The following GABRB3 variants were observed in gnomAD, a reference collection of about 807,000 sequenced individuals.
GABRB3 encodes the protein gamma-aminobutyric acid type A receptor subunit beta3.
In GABRB3, 14 loss-of-function variants were observed where a neutral mutation model predicts 52.1. The ratio of observed to expected loss-of-function variants is 0.27; its 90% CI spans 0.18 to 0.42. GABRB3 has a LOEUF of 0.42. GABRB3 is among the 10% of genes least tolerant of loss of function. GABRB3 has a pLI of 1.00. For synonymous variants in GABRB3, 260 were observed against 232.3 expected, an observed-to-expected ratio of 1.12 and a Z score of -1.08; for missense variants, 307 against 609.1, an observed-to-expected ratio of 0.50 and a Z score of 5.22.
At chr15:26,580,818 A>C in intron 5 of GABRB3, 1 of 370,966 alleles carries the variant, frequency 2.7e-6, no homozygotes, top group Non-Finnish European at 5.2e-6. Context: ...TGAGAATTGA[A>C]GTATGAAGAA....
chr15:26,607,369 T>C (rs767660310), intron 4 of GABRB3, among the ~76,000 whole-genome samples: 7 of 152,084 alleles, frequency 4.6e-5, no homozygotes, highest in Non-Finnish European at 1.0e-4. Flanking sequence ...CCAGAAATTC[T>C]AGAGTAACCT....
chr15:26,664,427 A>G (rs1432417385), intron 3 of GABRB3, among the ~76,000 whole-genome samples: 1 of 152,208 alleles, frequency 6.6e-6, no homozygotes, highest in Non-Finnish European at 1.5e-5. Context: ...CATGGGAGGA[A>G]GAGGGATACG....
chr15:26,704,653 G>A (rs1889041393), intron 3 of GABRB3, among the ~76,000 whole-genome samples: 1 of 152,124 alleles, frequency 6.6e-6, no homozygotes, highest in African/African-American at 2.4e-5. Flanking sequence ...TGAACACCTT[G>A]CTGCTTTGAG....
In GABRB3 at chr15:26,583,244, T is replaced by C. The variant is rs138477884; in HGVS notation, c.544+88A>G. On this transcript the variant is annotated intron_variant, in intron 5 of 8. Coordinates refer to ENST00000311550, the MANE Select transcript of GABRB3 (RefSeq NM_000814.6). ...CCCTCTTTCTATGTCAAAAAAATTA[T>C]GGATGCCTTGAAAAAAGATGCTAAA... 6.4e-4 allele frequency: 683 copies of C among 1,060,482 alleles called. 3 individuals carry two copies. The African/African-American group carries it at 9.8e-3, about 15-fold the overall frequency. The allele number at this position is 1,060,482 out of a possible 1,614,324, so 65.7% of individuals were successfully genotyped here.
At chr15:26,568,717 A>T (rs569201782) in intron 6 of GABRB3, among the ~76,000 whole-genome samples, 63 of 142,268 alleles carry the variant, frequency 4.4e-4, no homozygotes, top group Non-Finnish European at 7.6e-4. Context: ...GGGTTTCACC[A>T]TATTGGCCAG....
At chr15:26,629,545 A>G (rs1045076427) in intron 3 of GABRB3, among the ~76,000 whole-genome samples, 2 of 152,140 alleles carry the variant, frequency 1.3e-5, no homozygotes, top group African/African-American at 4.8e-5. Context: ...AGAGCTTGCA[A>G]AAATAGCAGC....
At chr15:26,602,144 A>C in intron 4 of GABRB3, among the ~76,000 whole-genome samples, 1 of 152,174 alleles carries the variant, frequency 6.6e-6, no homozygotes, top group East Asian at 1.9e-4. Flanking sequence ...CCTAGACAAA[A>C]CATATAAGAA....
At chr15:26,647,662 G>GA (rs1281702524) in intron 3 of GABRB3, among the ~76,000 whole-genome samples, 1 of 151,980 alleles carries the variant, frequency 6.6e-6, no homozygotes, top group Non-Finnish European at 1.5e-5. Flanking sequence ...TTTTCAATTT[G>GA]AAAAAAGACC....
At chr15:26,566,949 AT>A (rs1890201080) in intron 7 of GABRB3, among the ~76,000 whole-genome samples, 1 of 152,188 alleles carries the variant, frequency 6.6e-6, no homozygotes, top group Non-Finnish European at 1.5e-5. Context: ...TTAAATAATT[AT>A]TTTTTCTATG....
At chr15:26,666,660 C>T (rs554492779) in intron 3 of GABRB3, 2 of 152,304 alleles carry the variant, frequency 1.3e-5, no homozygotes, top group East Asian at 3.9e-4. Flanking sequence ...TGCCTCTTGC[C>T]TCTTCAGGGA....
At chr15:26,583,666 T>C (rs1176749789) in intron 4 of GABRB3, among the ~76,000 whole-genome samples, 1 of 152,128 alleles carries the variant, frequency 6.6e-6, no homozygotes, top group Non-Finnish European at 1.5e-5. Context: ...CATTTATTTT[T>C]TGATTGACAT....
At chr15:26,678,487 A>G (rs1056082445) in intron 3 of GABRB3, among the ~76,000 whole-genome samples, 2 of 152,068 alleles carry the variant, frequency 1.3e-5, no homozygotes, top group African/African-American at 4.8e-5. Flanking sequence ...TTACTGCATG[A>G]GAAAGCACGA....
At chr15:26,667,254 G>C (rs1887745695) in intron 3 of GABRB3, among the ~76,000 whole-genome samples, 1 of 152,216 alleles carries the variant, frequency 6.6e-6, no homozygotes, top group African/African-American at 2.4e-5. Context: ...CCCGAGGAGT[G>C]AACTGCCAAG....
intron 3 of GABRB3, among the ~76,000 whole-genome samples, chr15:26,705,412 G>C (rs557504555): frequency 6.6e-6 from 1 of 152,158 alleles, no homozygotes; most frequent in Non-Finnish European, 1.5e-5. Context: ...CGTATTGGGG[G>C]TTAGGATTTC....
chr15:26,728,588 ACG>A (rs1455919275), intron 3 of GABRB3, among the ~76,000 whole-genome samples: 6 of 152,222 alleles, frequency 3.9e-5, no homozygotes, highest in African/African-American at 1.4e-4. Context: ...CACACAGCAC[ACG>A]CTGCCAACAC....
chr15:26,646,912 C>T (rs922702973), intron 3 of GABRB3, among the ~76,000 whole-genome samples: 4 of 152,248 alleles, frequency 2.6e-5, no homozygotes, highest in Admixed American at 6.5e-5. Flanking sequence ...GGTGCGATCT[C>T]GGCTCACTGC....
At chr15:26,680,658 C>T (rs1888211915) in intron 3 of GABRB3, among the ~76,000 whole-genome samples, 1 of 152,224 alleles carries the variant, frequency 6.6e-6, no homozygotes, top group African/African-American at 2.4e-5. Context: ...GTCAGATTGA[C>T]TGCAGTGTTA....
intron 3 of GABRB3, among the ~76,000 whole-genome samples, chr15:26,771,001 G>T (rs751899148): frequency 6.6e-6 from 1 of 152,090 alleles, no homozygotes. Context: ...TGTCCTAAGT[G>T]ATATACTTTG....
At chr15:26,599,529 T>G (rs527684688) in intron 4 of GABRB3, among the ~76,000 whole-genome samples, 1 of 152,304 alleles carries the variant, frequency 6.6e-6, no homozygotes, top group South Asian at 2.1e-4. Flanking sequence ...CTCTGCCTGA[T>G]AGCAGAGTCC....
Sources: allele counts gnomAD v4.1 joint callset (sites outside exome capture counted in the v4.1 genomes callset), GRCh38; gene constraint gnomAD v4.1.1; transcripts MANE v1.5; gene names NCBI Gene and HGNC (gene_info 2026-07-23, HGNC 2026-07-21).